Variants in KCNN2 observed in about 807,000 individuals in gnomAD.
KCNN2 encodes small conductance calcium-activated potassium channel protein 2.
In KCNN2, 24 loss-of-function variants were observed where a neutral mutation model predicts 55.5. The observed-to-expected ratio is 0.43, with a 90% confidence interval of 0.31 to 0.61. KCNN2 has a LOEUF of 0.61. Among genes scored for constraint, KCNN2 ranks in the 20% least tolerant of loss-of-function variants. KCNN2 has a pLI of 0.08. For synonymous variants in KCNN2, 431 were observed against 336.1 expected (o/e 1.28, Z -3.09); for missense variants, 754 against 853.6 (o/e 0.88, Z 1.45).
At chr5:114,071,890 G>A (rs1036041588) in intron 1 of KCNN2, among the ~76,000 whole-genome samples, 1 of 152,200 alleles carries the variant, frequency 6.6e-6, no homozygotes, top group African/African-American at 2.4e-5. Context: ...GTGTTGGGAG[G>A]TGGGGCCTCA....
chr5:114,191,100 A>G (rs975921666), intron 1 of KCNN2, among the ~76,000 whole-genome samples: 25 of 152,214 alleles, frequency 1.6e-4, no homozygotes, highest in Non-Finnish European at 5.9e-5. Flanking sequence ...ACATAGATGT[A>G]AAGAACTTAG....
chr5:114,249,736 C>T (rs1379940624), intron 2 of KCNN2, among the ~76,000 whole-genome samples: 2 of 103,756 alleles, frequency 1.9e-5, no homozygotes, highest in East Asian at 2.9e-4. Flanking sequence ...AAAAAAAAAC[C>T]CTAGCTTCAA....
chr5:114,352,889 T>C (rs1757234926), intron 2 of KCNN2, among the ~76,000 whole-genome samples: 1 of 151,914 alleles, frequency 6.6e-6, no homozygotes, highest in Non-Finnish European at 1.5e-5. Flanking sequence ...GTTCTGTAAA[T>C]GTCTGTGAGG....
At chr5:114,118,941 C>T (rs550414799) in intron 1 of KCNN2, among the ~76,000 whole-genome samples, 11 of 152,222 alleles carry the variant, frequency 7.2e-5, no homozygotes, top group Non-Finnish European at 1.5e-4. Flanking sequence ...TGGAGACTGA[C>T]AGACCTGGGC....
intron 2 of KCNN2, among the ~76,000 whole-genome samples, chr5:114,291,318 T>G (rs1212863708): frequency 6.6e-6 from 1 of 152,124 alleles, no homozygotes; most frequent in Non-Finnish European, 1.5e-5. Flanking sequence ...TAGGTTTATC[T>G]CCTAATGCTA....
chr5:114,344,394 G>T (rs1757071668), intron 2 of KCNN2, among the ~76,000 whole-genome samples: 2 of 152,154 alleles, frequency 1.3e-5, no homozygotes, highest in South Asian at 2.1e-4. Context: ...TGGGAGGGCT[G>T]CAAGTGTAAA....
intron 2 of KCNN2, among the ~76,000 whole-genome samples, chr5:114,228,616 C>G (rs948694331): frequency 6.6e-6 from 1 of 152,032 alleles, no homozygotes; most frequent in African/African-American, 2.4e-5. Context: ...TGCAGTTACA[C>G]TAATATGCTT....
intron 2 of KCNN2, among the ~76,000 whole-genome samples, chr5:114,284,427 G>A (rs184837684): frequency 9.6e-4 from 146 of 152,290 alleles, no homozygotes; most frequent in Non-Finnish European, 1.6e-3. Flanking sequence ...TCTAAATTGT[G>A]AGTTTTCATC....
intron 1 of KCNN2, among the ~76,000 whole-genome samples, chr5:114,066,790 A>G (rs2112519101): frequency 6.6e-6 from 1 of 152,244 alleles, no homozygotes; most frequent in South Asian, 2.1e-4. Flanking sequence ...CATGTTGGCC[A>G]GGATGGTCTC....
chr5:114,265,637 A>G (rs1444790722), intron 2 of KCNN2, among the ~76,000 whole-genome samples: 3 of 152,140 alleles, frequency 2.0e-5, no homozygotes, highest in Non-Finnish European at 4.4e-5. Context: ...GATGAGGCCC[A>G]CCCACATAAG....
chr5:114,247,245 C>T (rs1368128136), intron 2 of KCNN2, among the ~76,000 whole-genome samples: 9 of 146,906 alleles, frequency 6.1e-5, no homozygotes, highest in South Asian at 2.2e-4. Flanking sequence ...AAAGAGTGAC[C>T]TGGCTAAATG....
At chr5:114,486,551 G>T (rs889464586) in intron 5 of KCNN2, 1 of 288,546 alleles carries the variant, frequency 3.5e-6, no homozygotes, top group Non-Finnish European at 6.8e-6. Context: ...AAATTGCTAA[G>T]TCATTCTGGG....
intron 2 of KCNN2, among the ~76,000 whole-genome samples, chr5:114,317,028 A>G (rs548639929): frequency 2.6e-5 from 4 of 152,372 alleles, no homozygotes; most frequent in African/African-American, 9.6e-5. Flanking sequence ...GCTTTTCAGC[A>G]GAGTGACATC....
intron 1 of KCNN2, among the ~76,000 whole-genome samples, chr5:114,097,974 A>G (rs143245035): frequency 6.2e-4 from 95 of 152,318 alleles, no homozygotes; most frequent in African/African-American, 1.9e-3. Flanking sequence ...GGAAGTCAAA[A>G]GTCTGAAATG....
At chr5:114,415,466 G>C (rs1489769215) in intron 3 of KCNN2, among the ~76,000 whole-genome samples, 1 of 152,166 alleles carries the variant, frequency 6.6e-6, no homozygotes, top group African/African-American at 2.4e-5. Flanking sequence ...CTGGATATGG[G>C]TATATAGCAT....
intron 1 of KCNN2, among the ~76,000 whole-genome samples, chr5:114,140,580 T>C (rs2974470): frequency 0.23 from 35,056 of 152,014 alleles, 4,184 homozygotes; most frequent in Middle Eastern, 0.27. Context: ...GGAAAATAAC[T>C]GAAGAGAAAA....
intron 2 of KCNN2, among the ~76,000 whole-genome samples, chr5:114,265,638 C>T (rs751857552): frequency 6.6e-6 from 1 of 152,132 alleles, no homozygotes; most frequent in Non-Finnish European, 1.5e-5. Context: ...ATGAGGCCCA[C>T]CCACATAAGG....
chr5:114,247,918 A>C (rs1754779701), intron 2 of KCNN2, among the ~76,000 whole-genome samples: 1 of 151,718 alleles, frequency 6.6e-6, no homozygotes, highest in Non-Finnish European at 1.5e-5. Flanking sequence ...ATCTCAGTAT[A>C]ATTATCTTCA....
At chr5:114,240,753 G>C (rs1374364263) in intron 2 of KCNN2, among the ~76,000 whole-genome samples, 1 of 152,062 alleles carries the variant, frequency 6.6e-6, no homozygotes. Flanking sequence ...AATAATGTAA[G>C]AAGTAATACA....
Sources: gnomAD v4.1 joint callset for allele counts (sites outside exome capture counted in the v4.1 genomes callset) on GRCh38, gnomAD v4.1.1 for gene constraint, MANE v1.5 for transcripts, NCBI Gene and HGNC (gene_info 2026-07-23, HGNC 2026-07-21) for gene names.